The following OTOF variants were observed in gnomAD, a reference collection of about 807,000 sequenced individuals.
The protein encoded by OTOF is fer-1-like family member 2.
A neutral mutation model predicts 236.8 loss-of-function variants in OTOF; 218 were observed. The ratio of observed to expected loss-of-function variants is 0.92; its 90% CI spans 0.82 to 1.03. OTOF has a LOEUF of 1.03. Among genes scored for constraint, OTOF ranks in the 50% least tolerant of loss-of-function variants. The pLI is 0.00. For synonymous variants in OTOF, 1,041 were observed against 1,072.5 expected (o/e 0.97, Z 0.57); for missense variants, 2,590 against 2,694.4 (o/e 0.96, Z 0.86).
chr2:26,508,546 G>A (rs948306079), intron 5 of OTOF, among the ~76,000 whole-genome samples: 3 of 152,192 alleles, frequency 2.0e-5, no homozygotes, highest in Non-Finnish European at 2.9e-5. Flanking sequence ...GGATTGTCAG[G>A]GAAGCTGGCT....
chr2:26,508,818 C>A (rs1666314585), intron 5 of OTOF, among the ~76,000 whole-genome samples: 1 of 152,218 alleles, frequency 6.6e-6, no homozygotes, highest in South Asian at 2.1e-4. Flanking sequence ...TCTGTCTCCA[C>A]AGTTTTCTCT....
At chr2:26,481,883 T>C (rs1229718606) in intron 14 of OTOF, among the ~76,000 whole-genome samples, 2 of 152,162 alleles carry the variant, frequency 1.3e-5, no homozygotes, top group Non-Finnish European at 2.9e-5. Context: ...TTTTGACCAT[T>C]TGGTAGCACA....
In OTOF at chr2:26,494,948, G is replaced by A. The variant is rs1271132521; in HGVS notation, c.891C>T (p.Tyr297=). Residue 297 remains tyrosine (Y), a synonymous_variant, in exon 9 of 47, where the codon TAC becomes TAT. Coordinates refer to ENST00000272371, the MANE Select transcript of OTOF (RefSeq NM_194248.3). ...SMKESTNCPY[Y]NEYFVFDFHV... is the part of the protein sequence containing the mutation. ...TCCCCACAGGGCCACTGACCTCGTT[G>A]TAATAGGGGCAGTTAGTGGACTCCT... 4 of 1,614,054 alleles carry A rather than the reference G, an allele frequency of 2.5e-6. No homozygotes were observed. In the African/African-American group the frequency reaches 5.3e-5, roughly 22 times the overall value.
chr2:26,539,511 G>C (rs527756937), intron 1 of OTOF, among the ~76,000 whole-genome samples: 2 of 152,302 alleles, frequency 1.3e-5, no homozygotes, highest in East Asian at 3.9e-4. Flanking sequence ...CGAGGCGGGC[G>C]GATCACCTGA....
chr2:26,553,920 C>G (rs539365644), intron 1 of OTOF, among the ~76,000 whole-genome samples: 1 of 152,294 alleles, frequency 6.6e-6, no homozygotes, highest in East Asian at 1.9e-4. Context: ...CACCTGTAAT[C>G]CCAGCACTTT....
rs990441718 is a variant in OTOF at position 26,475,403 on chromosome 2, C to T, written c.3082G>A (p.Asp1028Asn). 12 of 1,613,118 alleles carry T rather than the reference C, an allele frequency of 7.4e-6. No homozygotes were observed. The highest frequency in any genetic ancestry group is 1.1e-5 in the South Asian group (1 of 91,068). ...LYGEAHELRDDPPIIVIEIYD... is the reference protein window; with the variant it reads ...LYGEAHELRDNPPIIVIEIYD... ...ATTTCAATGACAATGATGGGCGGAT[C>T]GTCCCTCAGCTCATGAGCTTCACCA... Residue 1028 changes from aspartate (D) to asparagine (N), a missense_variant, in exon 25 of 47, where the codon GAT becomes AAT. Coordinates refer to ENST00000272371, the MANE Select transcript of OTOF (RefSeq NM_194248.3).
Position 26,467,362 on chromosome 2 carries a change from C to A in OTOF, c.4227+3G>T. 6.2e-7 allele frequency: 1 copy of A among 1,613,848 alleles called. No individual in the cohort carries two copies. The highest frequency in any genetic ancestry group is 8.5e-7 in the Non-Finnish European group (1 of 1,180,010). ...CTAGAAGGGTCTGCTCCTAGGCTCT[C>A]ACCTTAAGCTCATCAATCTTGGGTT... On this transcript the variant is annotated splice_donor_region_variant and intron_variant, in intron 34 of 46. Transcript: ENST00000272371.
At chr2:26,480,099 G>A (rs1439648535) in intron 16 of OTOF, 104 bp downstream of exon 16, 1 of 770,686 alleles carries the variant, frequency 1.3e-6, no homozygotes, top group Non-Finnish European at 2.4e-6. Flanking sequence ...TGAGGACAGG[G>A]CTGAGGTGCA....
At chr2:26,514,150 A>T (rs1225619581) in intron 5 of OTOF, among the ~76,000 whole-genome samples, 1 of 152,256 alleles carries the variant, frequency 6.6e-6, no homozygotes, top group African/African-American at 2.4e-5. Context: ...GAGAAGGTGT[A>T]GCAGCGATGC....
In OTOF at chr2:26,479,587, C is replaced by G. The variant is rs1553353500; in HGVS notation, c.1979G>C (p.Gly660Ala). ...PQRPRPRKEP[G>A]DEEEVDLIQN... ...AATCAGGTCTACTTCTTCCTCATCC[C>G]CCGGCTCCTTCCGGGGCCGAGGCCG... The change falls in exon 17 of 47, where the codon GGG (glycine) becomes GCG (alanine). Residue 660 changes from glycine to alanine, a missense_variant. By Grantham distance (60) the Gly-to-Ala change is moderately conservative (BLOSUM62 0). Around this residue, in one of 2 missense-constraint regions of OTOF, gnomAD observed 1,379 missense variants for 1,341.6 expected, o/e 1.03. Transcript: ENST00000272371. 2 of 1,612,742 alleles carry G rather than the reference C, an allele frequency of 1.2e-6. No individual in the cohort carries two copies. Among genetic ancestry groups the G allele is most frequent in the South Asian group, 2.2e-5 (2 of 91,072 alleles).
In OTOF at chr2:26,503,854, G is replaced by T. The variant is rs199789769; in HGVS notation, c.510-9C>A. 2.3e-5 allele frequency: 37 copies of T among 1,613,312 alleles called. No individual in the cohort carries two copies. In the Middle Eastern group the frequency reaches 4.9e-4, roughly 22 times the overall value. Reference sequence around the variant, plus strand: ...ACACGCTCCTCCCGGCTCTGTGAGGGGGGCCACCAGAATGAGGTGCAGGGA... The same window carrying T: ...ACACGCTCCTCCCGGCTCTGTGAGGTGGGCCACCAGAATGAGGTGCAGGGA... On this transcript the variant is annotated splice_polypyrimidine_tract_variant and intron_variant, in intron 5 of 46. Coordinates refer to ENST00000272371, the MANE Select transcript of OTOF (RefSeq NM_194248.3).
chr2:26,556,650 G>C (rs1252854987), intron 1 of OTOF, among the ~76,000 whole-genome samples: 1 of 152,154 alleles, frequency 6.6e-6, no homozygotes, highest in Non-Finnish European at 1.5e-5. Flanking sequence ...TGGCCCCCAG[G>C]TGGCCCAGGA....
intron 5 of OTOF, among the ~76,000 whole-genome samples, chr2:26,514,107 C>G (rs915313345): frequency 2.0e-5 from 3 of 152,268 alleles, no homozygotes; most frequent in African/African-American, 4.8e-5. Flanking sequence ...TTTCCACAAC[C>G]AGGCCTGCTG....
chr2:26,489,719 C>A lies in OTOF; in HGVS notation c.919G>T (p.Val307Phe), dbSNP rs1390503008. ...YNEYFVFDFH[V>F]SPDVMFDKII... Reference sequence around the variant, plus strand: ...TTGTCAAACATGACATCCGGAGAGACATGGAAGTCGAAGACGAAGTACTGG... The same window carrying A: ...TTGTCAAACATGACATCCGGAGAGAAATGGAAGTCGAAGACGAAGTACTGG... Residue 307 changes from valine (V) to phenylalanine (F), a missense_variant, in exon 10 of 47, where the codon GTC becomes TTC. By Grantham distance (50) the Val-to-Phe change is conservative. Around this residue, in one of 2 missense-constraint regions of OTOF, gnomAD observed 1,379 missense variants for 1,341.6 expected, o/e 1.03. Coordinates refer to ENST00000272371, the MANE Select transcript of OTOF (RefSeq NM_194248.3). 1 of 1,612,886 alleles carries A rather than the reference C, an allele frequency of 6.2e-7. No individual in the cohort carries two copies. Among genetic ancestry groups the A allele is most frequent in the East Asian group, 2.2e-5 (1 of 44,894 alleles).
intron 4 of OTOF, among the ~76,000 whole-genome samples, chr2:26,517,606 A>C (rs1437939554): frequency 6.6e-6 from 1 of 152,164 alleles, no homozygotes; most frequent in African/African-American, 2.4e-5. Context: ...TTCTGGAACA[A>C]ATGGGACCCT....
chr2:26,465,895 G>A, intron 37 of OTOF, 53 bp from the exon 38 acceptor site: 1 of 1,614,228 alleles, frequency 6.2e-7, no homozygotes, highest in African/African-American at 1.3e-5. Context: ...GGTGGGAGGT[G>A]TTCTGGGTTG....
At chr2:26,502,262 TG>T (rs1410307442) in intron 7 of OTOF, 37 bp downstream of exon 7, 2 of 1,612,130 alleles carry the variant, frequency 1.2e-6, no homozygotes, top group Admixed American at 1.7e-5. Flanking sequence ...CCTGACAGGG[TG>T]GGGGCAGCTG....
chr2:26,503,924 A>G (rs1666183960), intron 5 of OTOF, 79 bp from the exon 6 acceptor site: 3 of 1,239,046 alleles, frequency 2.4e-6, no homozygotes, highest in Non-Finnish European at 3.6e-6. Context: ...AGAGCCAAAC[A>G]TGAGAGAACA....
chr2:26,478,327 G>A (rs1665416661), intron 18 of OTOF, among the ~76,000 whole-genome samples: 1 of 152,234 alleles, frequency 6.6e-6, no homozygotes, highest in Admixed American at 6.5e-5. Context: ...TGTGGTTATA[G>A]TCACAAGACA....
Sources: allele counts gnomAD v4.1 joint callset (sites outside exome capture counted in the v4.1 genomes callset), GRCh38; gene constraint gnomAD v4.1.1; regional missense constraint gnomAD v4.1.1; transcripts MANE v1.5; gene names NCBI Gene and HGNC (gene_info 2026-07-23, HGNC 2026-07-21).